The following SLC2A12 variants were observed in gnomAD, a reference collection of about 807,000 sequenced individuals.
The protein encoded by SLC2A12 is solute carrier family 2, facilitated glucose transporter member 12.
SLC2A12 carries 23 observed loss-of-function variants against 41.8 expected under a neutral mutation model. The ratio of observed to expected loss-of-function variants is 0.55; its 90% CI spans 0.40 to 0.78. The LOEUF (loss-of-function observed/expected upper bound fraction) is 0.78. SLC2A12 is among the 30% of genes least tolerant of loss of function. SLC2A12 has a pLI of 0.00. For missense variants in SLC2A12, 654 were observed against 745.6 expected, an observed-to-expected ratio of 0.88 and a Z score of 1.43; for synonymous variants, 295 against 285.9, an observed-to-expected ratio of 1.03 and a Z score of -0.32.
chr6:134,050,639 C>G (rs75315723), intron 1 of SLC2A12, among the ~76,000 whole-genome samples: 1,720 of 152,296 alleles, frequency 0.011, 39 homozygotes, highest in African/African-American at 0.039. Context: ...TCTTCCTAGG[C>G]AGTTTCTTTT....
intron 2 of SLC2A12, 28 bp downstream of exon 2, chr6:134,028,353 G>A (rs751612889): frequency 2.6e-6 from 4 of 1,567,798 alleles, no homozygotes; most frequent in Non-Finnish European, 3.5e-6. Context: ...CTGGTCAAAA[G>A]CAATACATTA....
At position 134,045,170 on chromosome 6, in the gene SLC2A12, C is replaced by T. The variant is rs981731541; in HGVS notation, c.103+7208G>A. Among the ~76,000 whole-genome samples the T allele has an allele frequency of 7.2e-5, 11 of 152,080 alleles. No homozygotes were observed. The East Asian group carries it at 7.7e-4, about 11-fold the overall frequency. ...TAGGTGCATGAAATATATATTTTAT[C>T]GAGAAACTTATAATCTTATAGAAAA... is the stretch of plus-strand genomic sequence containing the variant. On this transcript the variant is annotated intron_variant, in intron 1 of 4. Coordinates refer to ENST00000275230, the MANE Select transcript of SLC2A12 (RefSeq NM_145176.3).
intron 2 of SLC2A12, among the ~76,000 whole-genome samples, chr6:134,007,757 A>G (rs1562193094): frequency 6.6e-6 from 1 of 152,140 alleles, no homozygotes. Flanking sequence ...GCTTTTACAA[A>G]CATTTTTACA....
intron 4 of SLC2A12, among the ~76,000 whole-genome samples, chr6:134,000,577 C>T (rs893912451): frequency 6.6e-6 from 1 of 152,202 alleles, no homozygotes; most frequent in East Asian, 1.9e-4. Context: ...ATATTAAAAC[C>T]CAACAATAAG....
chr6:134,028,425 CT>C lies in SLC2A12; in HGVS notation c.1399del (p.Ser467AlafsTer13), dbSNP rs1562199568. On this transcript the variant is annotated frameshift_variant, in exon 2 of 5. Transcript: ENST00000275230. LOFTEE classifies it high-confidence loss of function. ...PAFLKWLSLA[S>X]LLVYVAAFSI... is the part of the protein sequence containing the mutation. ...AAAAGCAGCAACATAAACAAGCAAGCTGGCTAAGGACAGCCATTTCAAAAAA... is the reference window on the plus strand; with the variant it reads ...AAAAGCAGCAACATAAACAAGCAAGCGGCTAAGGACAGCCATTTCAAAAAA... 1 of 1,613,750 alleles carries C rather than the reference CT, an allele frequency of 6.2e-7. No homozygotes were observed. The highest frequency in any genetic ancestry group is 2.2e-5 in the East Asian group (1 of 44,874).
chr6:134,018,291 A>G (rs1330685799), intron 2 of SLC2A12, among the ~76,000 whole-genome samples: 1 of 152,194 alleles, frequency 6.6e-6, no homozygotes, highest in Non-Finnish European at 1.5e-5. Flanking sequence ...GGCACTTTAT[A>G]CAGATTCCTT....
chr6:134,032,390 C>G (rs370577624), intron 1 of SLC2A12, among the ~76,000 whole-genome samples: 1 of 76,506 alleles, frequency 1.3e-5, no homozygotes, highest in African/African-American at 4.0e-5. Context: ...AGGCATTTAC[C>G]TGGGTACAGG....
chr6:134,031,129 C>T (rs998665999), intron 1 of SLC2A12, among the ~76,000 whole-genome samples: 2 of 152,146 alleles, frequency 1.3e-5, no homozygotes, highest in Non-Finnish European at 2.9e-5. Context: ...TGGTGGCTCA[C>T]GCCTGTAATC....
chr6:134,042,378 G>T lies in SLC2A12; in HGVS notation c.103+10000C>A, dbSNP rs577868624. Among the ~76,000 whole-genome samples the T allele has an allele frequency of 2.6e-5, 4 of 152,234 alleles. No individual in the cohort carries two copies. The South Asian group carries it at 8.3e-4, about 32-fold the overall frequency. ...TGGCCACCTGAACACTAAGGGTTAAGCTCACCGTTATCATGTTGATAATGG... is the reference window on the plus strand; with the variant it reads ...TGGCCACCTGAACACTAAGGGTTAATCTCACCGTTATCATGTTGATAATGG... On this transcript the variant is annotated intron_variant, in intron 1 of 4. Transcript: ENST00000275230.
chr6:134,029,812 C>T, intron 1 of SLC2A12, 91 bp from the exon 2 acceptor site: 2 of 1,455,648 alleles, frequency 1.4e-6, no homozygotes, highest in Non-Finnish European at 1.8e-6. Flanking sequence ...TTGTAGAAGT[C>T]TTTCATAGCA....
At chr6:134,044,945 C>A (rs1777436936) in intron 1 of SLC2A12, among the ~76,000 whole-genome samples, 1 of 152,138 alleles carries the variant, frequency 6.6e-6, no homozygotes, top group Non-Finnish European at 1.5e-5. Flanking sequence ...TTGCAATCAG[C>A]CTTCATGGTT....
chr6:133,991,052 C>T lies in SLC2A12; in HGVS notation c.*103G>A, dbSNP rs1776615152. 1.5e-6 allele frequency: 2 copies of T among 1,343,022 alleles called. No individual in the cohort carries two copies. Among genetic ancestry groups the T allele is most frequent in the East Asian group, 4.8e-5 (2 of 41,880 alleles). The allele number at this position is 1,343,022 out of a possible 1,614,324, so 83.2% of individuals were successfully genotyped here. A position where few individuals can be genotyped will look rare whatever the true frequency, so the allele number is the denominator to read the frequency against. The stretch of plus-strand genomic sequence containing the variant: ...CAGAGTGTCTCTTCAAAACCAGTTC[C>T]ATGACACTGAAAAGAGAGCACAGGA... On this transcript the variant is annotated 3_prime_UTR_variant, in exon 5 of 5. Coordinates refer to ENST00000275230, the MANE Select transcript of SLC2A12 (RefSeq NM_145176.3).
At chr6:134,039,309 C>T (rs928777836) in intron 1 of SLC2A12, among the ~76,000 whole-genome samples, 4 of 152,192 alleles carry the variant, frequency 2.6e-5, no homozygotes, top group African/African-American at 9.7e-5. Context: ...CTCTACACGT[C>T]ATTGATCTAT....
chr6:134,035,172 A>C lies in SLC2A12; in HGVS notation c.104-5451T>G, dbSNP rs114168038. Among the ~76,000 whole-genome samples, 281 of 141,114 alleles carry C rather than the reference A, an allele frequency of 2.0e-3. 1 individual carries two copies. Among genetic ancestry groups the C allele is most frequent in the Middle Eastern group, 0.016 (4 of 252 alleles). The allele number at this position is 141,114 out of a possible 152,430, so 92.6% of individuals were successfully genotyped here. On this transcript the variant is annotated intron_variant, in intron 1 of 4. Coordinates refer to ENST00000275230, the MANE Select transcript of SLC2A12 (RefSeq NM_145176.3). The stretch of plus-strand genomic sequence containing the variant: ...CTGACAAAAAAAAAAAAAAAAAAAA[A>C]AACTGTGTGTGCATGCTTTTCAGCT...
Position 133,991,301 on chromosome 6 carries a change from CAT to C in SLC2A12, c.1706_1707del (p.Tyr569CysfsTer33). 6.2e-7 allele frequency: 1 copy of C among 1,612,730 alleles called. No individual in the cohort carries two copies. Among genetic ancestry groups the C allele is most frequent in the Non-Finnish European group, 8.5e-7 (1 of 1,179,646 alleles). On this transcript the variant is annotated frameshift_variant, in exon 5 of 5. Coordinates refer to ENST00000275230, the MANE Select transcript of SLC2A12 (RefSeq NM_145176.3). LOFTEE classifies it high-confidence loss of function. ...CTCATAAAACAAATGTTGTTTTTCA[CAT>C]AGTTCCTGAAAGAGAAAGAGGCACT... ...QISMELAKVNYVKNNICFMSH... is the reference protein window; with the variant it reads ...QISMELAKVNXVKNNICFMSH...
intron 1 of SLC2A12, among the ~76,000 whole-genome samples, chr6:134,035,315 T>C (rs1777281429): frequency 1.3e-5 from 2 of 151,946 alleles, no homozygotes; most frequent in African/African-American, 4.8e-5. Context: ...CCAGAACCAC[T>C]CCGCCCCAAA....
At chr6:134,051,643 G>T (rs1773685791) in intron 1 of SLC2A12, among the ~76,000 whole-genome samples, 1 of 152,170 alleles carries the variant, frequency 6.6e-6, no homozygotes, top group Non-Finnish European at 1.5e-5. Flanking sequence ...TTGTAAATGT[G>T]GAAGTGAAGA....
rs77249819 is a variant in SLC2A12, at chr6:133,990,793, C to T, written c.*362G>A. On this transcript the variant is annotated 3_prime_UTR_variant, in exon 5 of 5. Coordinates refer to ENST00000275230, the MANE Select transcript of SLC2A12 (RefSeq NM_145176.3). ...CTTGTGTGTCTGCATAATAAAGCTG[C>T]GACTGGCCTCCATACATACATAGCT... The T allele has an allele frequency of 7.3e-5, 12 of 163,908 alleles. No individual in the cohort carries two copies. The East Asian group carries it at 2.1e-3, about 28-fold the overall frequency. The allele number at this position is 163,908 out of a possible 1,614,324, so 10.2% of individuals were successfully genotyped here. A position where few individuals can be genotyped will look rare whatever the true frequency, so the allele number is the denominator to read the frequency against.
intron 2 of SLC2A12, among the ~76,000 whole-genome samples, chr6:134,011,451 G>A (rs142101954): frequency 4.0e-5 from 6 of 151,100 alleles, no homozygotes; most frequent in Admixed American, 6.6e-5. Flanking sequence ...GTGAAACCCC[G>A]TCTCTATAAA....
Sources: allele counts gnomAD v4.1 joint callset (sites outside exome capture counted in the v4.1 genomes callset), GRCh38; gene constraint gnomAD v4.1.1; transcripts MANE v1.5; gene names NCBI Gene and HGNC (gene_info 2026-07-23, HGNC 2026-07-21).